The following STK24 variants were observed in gnomAD, a reference collection of about 807,000 sequenced individuals.
STK24 encodes serine/threonine kinase 24, also known as serine/threonine-protein kinase 24.
In STK24, 21 loss-of-function variants were observed where a neutral mutation model predicts 55.6. The ratio of observed to expected loss-of-function variants is 0.38; its 90% CI spans 0.27 to 0.54. The LOEUF is 0.54. Among genes scored for constraint, STK24 ranks in the 20% least tolerant of loss-of-function variants. The pLI is 0.79. For missense variants in STK24, 383 were observed against 538.4 expected (o/e 0.71, Z 2.86); for synonymous variants, 200 against 215.2 (o/e 0.93, Z 0.62).
chr13:98,485,572 G>A (rs1163364085), intron 2 of STK24, among the ~76,000 whole-genome samples: 2 of 152,202 alleles, frequency 1.3e-5, no homozygotes, highest in Admixed American at 1.3e-4. Flanking sequence ...GCTAATGTTA[G>A]TCCTACAAAA....
At chr13:98,535,514 CA>C (rs1487594342) in intron 1 of STK24, among the ~76,000 whole-genome samples, 2 of 151,366 alleles carry the variant, frequency 1.3e-5, no homozygotes, top group Non-Finnish European at 2.9e-5. Flanking sequence ...AAAATGCAAA[CA>C]AAAGCCATGG....
Position 98,550,327 on chromosome 13 carries a change from C to A in STK24, c.42+26418G>T, listed in dbSNP as rs9513443. Among the ~76,000 whole-genome samples, 3 of 152,098 alleles carry A rather than the reference C, an allele frequency of 2.0e-5. No homozygotes were observed. The South Asian group carries it at 6.2e-4, about 32-fold the overall frequency. On this transcript the variant is annotated intron_variant, in intron 1 of 10. Coordinates refer to ENST00000539966, the MANE Select transcript of STK24 (RefSeq NM_001032296.4). The stretch of plus-strand genomic sequence containing the variant: ...GTCAAGGGGGGAAGATCGCGTGAGC[C>A]CAGGAGTTTGAGACCAGCCTGAGCA...
intron 1 of STK24, among the ~76,000 whole-genome samples, chr13:98,530,243 G>T (rs1816182437): frequency 6.6e-6 from 1 of 152,156 alleles, no homozygotes; most frequent in African/African-American, 2.4e-5. Context: ...AATTTCTGAG[G>T]AGAAACTTAA....
chr13:98,455,514 T>C (rs1416216930), intron 10 of STK24: 2 of 152,366 alleles, frequency 1.3e-5, no homozygotes, highest in African/African-American at 4.8e-5. Context: ...GCATTGGGAT[T>C]ACAGGCATGA....
intron 10 of STK24, chr13:98,455,849 A>G (rs1396351779): frequency 6.6e-6 from 1 of 152,280 alleles, no homozygotes; most frequent in Non-Finnish European, 1.5e-5. Flanking sequence ...GACAGTAACA[A>G]TCCTACCCGT....
At chr13:98,466,597 A>C in intron 5 of STK24, 36 bp from the exon 6 acceptor site, 1 of 1,607,028 alleles carries the variant, frequency 6.2e-7, no homozygotes, top group Non-Finnish European at 8.5e-7. Flanking sequence ...AACACCAAGC[A>C]GGAATCTATT....
At chr13:98,573,824 TA>T (rs1363016749) in intron 1 of STK24, among the ~76,000 whole-genome samples, 1 of 152,224 alleles carries the variant, frequency 6.6e-6, no homozygotes, top group East Asian at 1.9e-4. Flanking sequence ...CTTGGTCAGT[TA>T]AGTCTTCCTT....
intron 1 of STK24, among the ~76,000 whole-genome samples, chr13:98,525,785 A>G (rs2139393800): frequency 6.6e-6 from 1 of 152,346 alleles, no homozygotes; most frequent in East Asian, 1.9e-4. Flanking sequence ...GATAAATAAT[A>G]GTATCTATCT....
At chr13:98,476,586 C>A (rs1894386446) in intron 3 of STK24, among the ~76,000 whole-genome samples, 1 of 152,268 alleles carries the variant, frequency 6.6e-6, no homozygotes, top group South Asian at 2.1e-4. Flanking sequence ...CAGGCGTGCA[C>A]ATCTCTGGGA....
At position 98,463,554 on chromosome 13, in the gene STK24, A is replaced by C. The variant is rs564816306; in HGVS notation, c.929+137T>G. 2.7e-6 allele frequency: 3 copies of C among 1,090,966 alleles called. No homozygotes were observed. In the East Asian group the frequency reaches 7.8e-5, roughly 28 times the overall value. 67.6% of individuals were successfully genotyped at this position (1,090,966 alleles called of 1,614,324 possible). On this transcript the variant is annotated intron_variant, in intron 7 of 10. Transcript: ENST00000539966. Reference sequence around the variant, plus strand: ...CCCAAACAGGCCCAGGCTGTGTCTAACACAACAATTGCCACCAACCTGGAT... The same window carrying C: ...CCCAAACAGGCCCAGGCTGTGTCTACCACAACAATTGCCACCAACCTGGAT...
chr13:98,525,696 G>C (rs971079887), intron 1 of STK24, among the ~76,000 whole-genome samples: 2 of 152,108 alleles, frequency 1.3e-5, no homozygotes, highest in African/African-American at 4.8e-5. Context: ...ACCGAGCCTC[G>C]AGCCCCACAA....
intron 6 of STK24, 125 bp downstream of exon 6, chr13:98,466,251 A>G (rs1388946415): frequency 4.1e-6 from 4 of 966,502 alleles, no homozygotes; most frequent in Non-Finnish European, 4.3e-6. Flanking sequence ...CTTACTTAGA[A>G]AAAGAAAAAT....
At chr13:98,553,716 T>C (rs375037478) in intron 1 of STK24, 48 of 152,148 alleles carry the variant, frequency 3.2e-4, no homozygotes, top group African/African-American at 1.1e-3. Context: ...GCTGAAGGAA[T>C]GCCCGATGAA....
At chr13:98,548,861 CAAAAAAAAAAAAA>C in intron 1 of STK24, among the ~76,000 whole-genome samples, 1 of 37,804 alleles carries the variant, frequency 2.6e-5, no homozygotes, top group East Asian at 8.7e-4. Flanking sequence ...GACTCTGTCT[CAAAAAAAAAAAAA>C]AAAAAAAAAA....
At position 98,538,391 on chromosome 13, in the gene STK24, A is replaced by T. The variant is rs375334555; in HGVS notation, c.43-18918T>A. ...AGGTGCCCACCACCACACACAGCTA[A>T]TTTCTGTATTTTTAGTAGAGATGGG... is the stretch of plus-strand genomic sequence containing the variant. On this transcript the variant is annotated intron_variant, in intron 1 of 10. Coordinates refer to ENST00000539966, the MANE Select transcript of STK24 (RefSeq NM_001032296.4). Among the ~76,000 whole-genome samples, 44 of 151,762 alleles carry T rather than the reference A, an allele frequency of 2.9e-4. No individual in the cohort carries two copies. The South Asian group carries it at 8.8e-3, about 30-fold the overall frequency.
At chr13:98,456,866 A>G (rs1893483090) in intron 10 of STK24, 1 of 481,444 alleles carries the variant, frequency 2.1e-6, no homozygotes, top group East Asian at 4.0e-5. Flanking sequence ...TCTCTGGCCA[A>G]TAATTAAGCT....
At chr13:98,489,046 G>C (rs981346510) in intron 2 of STK24, among the ~76,000 whole-genome samples, 1 of 152,178 alleles carries the variant, frequency 6.6e-6, no homozygotes, top group Non-Finnish European at 1.5e-5. Flanking sequence ...GTACCTTTCC[G>C]CGCAGATGAC....
intron 9 of STK24, among the ~76,000 whole-genome samples, chr13:98,460,061 G>C (rs573291239): frequency 6.6e-6 from 1 of 152,358 alleles, no homozygotes; most frequent in East Asian, 1.9e-4. Context: ...AAATTGGTCT[G>C]AGGCAAAGAG....
intron 1 of STK24, among the ~76,000 whole-genome samples, chr13:98,555,671 G>A (rs1459065204): frequency 3.3e-5 from 5 of 149,564 alleles, no homozygotes; most frequent in Admixed American, 1.3e-4. Flanking sequence ...ACACATATCA[G>A]CCTCCCTGTC....
Sources: gnomAD v4.1 joint callset for allele counts (sites outside exome capture counted in the v4.1 genomes callset) on GRCh38, gnomAD v4.1.1 for gene constraint, MANE v1.5 for transcripts, NCBI Gene and HGNC (gene_info 2026-07-23, HGNC 2026-07-21) for gene names.